Variants in KIF26B observed in about 807,000 individuals in gnomAD.
The protein encoded by KIF26B is kinesin-like protein KIF26B.
In KIF26B, 63 loss-of-function variants were observed where a neutral mutation model predicts 151.2. The observed-to-expected ratio is 0.42, with a 90% CI of 0.34 to 0.51. KIF26B has a LOEUF of 0.51. Among genes scored for constraint, KIF26B ranks in the 20% least tolerant of loss-of-function variants. KIF26B has a pLI of 0.07. For synonymous variants in KIF26B, 1,357 were observed against 1,262.1 expected, an observed-to-expected ratio of 1.08 and a Z score of -1.59; for missense variants, 2,813 against 2,913.6, an observed-to-expected ratio of 0.97 and a Z score of 0.79.
intron 2 of KIF26B, among the ~76,000 whole-genome samples, chr1:245,196,809 C>T (rs981091784): frequency 1.3e-5 from 2 of 152,188 alleles, no homozygotes; most frequent in African/African-American, 4.8e-5. Context: ...TTGCCGGTCA[C>T]CTCAAATGGT....
At chr1:245,614,886 TTAAAATC>T in intron 9 of KIF26B, 1 of 79,282 alleles carries the variant, frequency 1.3e-5, no homozygotes, top group African/African-American at 5.8e-5. Context: ...ATGCAGACCT[TTAAAATC>T]GGATAGGGAT....
At chr1:245,198,101 C>A (rs998756209) in intron 2 of KIF26B, among the ~76,000 whole-genome samples, 1 of 152,146 alleles carries the variant, frequency 6.6e-6, no homozygotes, top group Non-Finnish European at 1.5e-5. Flanking sequence ...AGCAGATACT[C>A]GTTGAGGGCT....
chr1:245,681,548 C>T (rs578046751), intron 10 of KIF26B, among the ~76,000 whole-genome samples: 128 of 152,194 alleles, frequency 8.4e-4, no homozygotes, highest in South Asian at 3.9e-3. Context: ...CACAGGGTCA[C>T]GTGGAGATAC....
intron 2 of KIF26B, among the ~76,000 whole-genome samples, chr1:245,187,919 T>G (rs1451492864): frequency 6.6e-6 from 1 of 152,134 alleles, no homozygotes; most frequent in African/African-American, 2.4e-5. Flanking sequence ...ATTTTTCTGA[T>G]CTTGAGGAAA....
chr1:245,681,970 C>T (rs760007116), intron 10 of KIF26B, among the ~76,000 whole-genome samples: 1 of 152,228 alleles, frequency 6.6e-6, no homozygotes, highest in Admixed American at 6.5e-5. Flanking sequence ...GGGCCAGATG[C>T]AGTGGCTCAC....
In KIF26B at chr1:245,686,011, G is replaced by T. The variant is rs368651811; in HGVS notation, c.3028G>T (p.Ala1010Ser). ...GCAGAGGAGTCACTCACCTGTGCCC[G>T]CCGCGGCACCCGCCCACAGCCCCAG... is the stretch of plus-strand genomic sequence containing the variant. ...KMQRSHSPVP[A>S]AAPAHSPSPA... Residue 1010 changes from alanine to serine, a missense_variant, in exon 12 of 15, where the codon GCC becomes TCC. Transcript: ENST00000407071. This position sits in a 1 kb window ranked among gnomAD's most constrained non-coding sequence, Gnocchi z 5.6. The T allele has an allele frequency of 1.3e-6, 2 of 1,591,342 alleles. No individual in the cohort carries two copies. The highest frequency in any genetic ancestry group is 1.7e-6 in the Non-Finnish European group (2 of 1,169,984).
chr1:245,684,007 G>A (rs1463711026), intron 10 of KIF26B, among the ~76,000 whole-genome samples: 1 of 152,214 alleles, frequency 6.6e-6, no homozygotes, highest in Admixed American at 6.5e-5. Flanking sequence ...GAAGCGCCAA[G>A]GGAGGTGCTT....
Position 245,685,566 on chromosome 1 carries a change from C to G in KIF26B, c.2583C>G (p.Ser861=). ...DPDYSSSSEQ[S]CDTVIYIGPN... ...ACTACTCCTCCAGCAGCGAGCAGTC[C>G]TGCGACACCGTCATCTACATCGGGC... Residue 861 remains serine (S), a synonymous_variant, in exon 12 of 15, where the codon TCC becomes TCG. Coordinates refer to ENST00000407071, the MANE Select transcript of KIF26B (RefSeq NM_018012.4). 1 of 1,613,828 alleles carries G rather than the reference C, an allele frequency of 6.2e-7. No individual in the cohort carries two copies. The highest frequency in any genetic ancestry group is 1.3e-5 in the African/African-American group (1 of 75,012).
chr1:245,487,432 C>G (rs979123889), intron 4 of KIF26B, among the ~76,000 whole-genome samples: 2 of 152,176 alleles, frequency 1.3e-5, no homozygotes, highest in Non-Finnish European at 2.9e-5. Context: ...GGCCAGTACT[C>G]TAGCCTGGAA....
intron 5 of KIF26B, among the ~76,000 whole-genome samples, chr1:245,595,197 A>G (rs1222426050): frequency 1.3e-5 from 2 of 152,202 alleles, no homozygotes; most frequent in African/African-American, 4.8e-5. Flanking sequence ...TTCCAATACC[A>G]TATTGAATAG....
chr1:245,338,760 C>T (rs755218433), intron 2 of KIF26B, among the ~76,000 whole-genome samples: 7 of 152,114 alleles, frequency 4.6e-5, no homozygotes, highest in Non-Finnish European at 1.0e-4. Flanking sequence ...AGGAAGTGTA[C>T]ACCCCTCAGA....
intron 4 of KIF26B, among the ~76,000 whole-genome samples, chr1:245,532,150 T>C (rs1661376414): frequency 6.6e-6 from 1 of 152,022 alleles, no homozygotes. Flanking sequence ...GGAAGGACAA[T>C]GATCCACGGG....
At position 245,516,081 on chromosome 1, in the gene KIF26B, C is replaced by T. The variant is rs1374361810; in HGVS notation, c.1167-24686C>T. 6.6e-6 allele frequency among the ~76,000 whole-genome samples: 1 copy of T among 152,140 alleles called. No individual in the cohort carries two copies. Among genetic ancestry groups the T allele is most frequent in the African/African-American group, 2.4e-5 (1 of 41,426 alleles). On this transcript the variant is annotated intron_variant, in intron 4 of 14. Coordinates refer to ENST00000407071, the MANE Select transcript of KIF26B (RefSeq NM_018012.4). The surrounding 1 kb of genome is among the most constrained non-coding windows in gnomAD (Gnocchi z 4.2). ...GGAGTATTTGGATTCTATTCTGCTTCTCCCCTGAGTTTGTTTTCACGGTGG... is the reference window on the plus strand; with the variant it reads ...GGAGTATTTGGATTCTATTCTGCTTTTCCCCTGAGTTTGTTTTCACGGTGG...
At chr1:245,284,812 G>A (rs900667490) in intron 2 of KIF26B, among the ~76,000 whole-genome samples, 3 of 152,038 alleles carry the variant, frequency 2.0e-5, no homozygotes, top group Non-Finnish European at 4.4e-5. Flanking sequence ...GCTGAGGCGG[G>A]CGGATCACCT....
intron 12 of KIF26B, among the ~76,000 whole-genome samples, chr1:245,691,716 T>G (rs2044628667): frequency 6.6e-6 from 1 of 152,258 alleles, no homozygotes; most frequent in East Asian, 1.9e-4. Flanking sequence ...TGGAATATTT[T>G]AATGCTTATT....
intron 2 of KIF26B, among the ~76,000 whole-genome samples, chr1:245,292,235 G>A (rs1031214332): frequency 6.6e-6 from 1 of 152,194 alleles, no homozygotes; most frequent in African/African-American, 2.4e-5. Flanking sequence ...TCTTGAGTGT[G>A]CAGTCTTCGA....
intron 2 of KIF26B, among the ~76,000 whole-genome samples, chr1:245,265,089 G>C (rs989717485): frequency 8.0e-5 from 12 of 150,374 alleles, no homozygotes; most frequent in East Asian, 2.0e-4. Flanking sequence ...GTAGTCCCAG[G>C]TACTCGGGAG....
chr1:245,271,983 ACTTTT>A (rs1269954577), intron 2 of KIF26B, among the ~76,000 whole-genome samples: 1 of 152,038 alleles, frequency 6.6e-6, no homozygotes, highest in Non-Finnish European at 1.5e-5. Flanking sequence ...CTTGTCTTAG[ACTTTT>A]CTTTTTGGGA....
rs1000339346 is a variant in KIF26B at position 245,705,166 on chromosome 1, A to C, written c.*2560A>C. 1.3e-4 allele frequency: 20 copies of C among 152,198 alleles called. No individual in the cohort carries two copies. Among genetic ancestry groups the C allele is most frequent in the Admixed American group, 1.1e-3 (17 of 15,282 alleles). The allele number at this position is 152,198 out of a possible 1,614,324, so 9.4% of individuals were successfully genotyped here. On this transcript the variant is annotated 3_prime_UTR_variant, in exon 15 of 15. Coordinates refer to ENST00000407071, the MANE Select transcript of KIF26B (RefSeq NM_018012.4). ...AAGGAAACCAAGAGTTCTCTTAGCA[A>C]GTCAGACTCCTTCCCAAGATGGCAA... is the stretch of plus-strand genomic sequence containing the variant.
Sources: allele counts gnomAD v4.1 joint callset (sites outside exome capture counted in the v4.1 genomes callset), GRCh38; gene constraint gnomAD v4.1.1; non-coding constraint Gnocchi (gnomAD v3.1); transcripts MANE v1.5; gene names NCBI Gene and HGNC (gene_info 2026-07-23, HGNC 2026-07-21).